GRM8: variants seen among roughly 807,000 people sequenced by gnomAD.
The protein encoded by GRM8 is glutamate metabotropic receptor 8.
In GRM8, 47 loss-of-function variants were observed where a neutral mutation model predicts 87.2. The ratio of observed to expected loss-of-function variants is 0.54; its 90% confidence interval spans 0.43 to 0.69. The LOEUF is 0.69. Among genes scored for constraint, GRM8 ranks in the 30% least tolerant of loss-of-function variants. GRM8 has a pLI of 0.00. For synonymous variants in GRM8, 396 were observed against 404.5 expected, an observed-to-expected ratio of 0.98 and a Z score of 0.25; for missense variants, 1,019 against 1,139.2, an observed-to-expected ratio of 0.89 and a Z score of 1.52.
At chr7:127,035,670 A>G (rs1396450606) in intron 3 of GRM8, among the ~76,000 whole-genome samples, 2 of 152,208 alleles carry the variant, frequency 1.3e-5, no homozygotes, top group African/African-American at 4.8e-5. Context: ...AAATCAGTCA[A>G]TGGTGTGGCA....
At chr7:126,463,483 T>C (rs1037702977) in intron 9 of GRM8, among the ~76,000 whole-genome samples, 2 of 151,588 alleles carry the variant, frequency 1.3e-5, no homozygotes, top group African/African-American at 4.8e-5. Context: ...TTGTGCACAT[T>C]AATACGATGT....
intron 6 of GRM8, among the ~76,000 whole-genome samples, chr7:126,898,910 C>T (rs980606937): frequency 5.9e-5 from 9 of 151,964 alleles, no homozygotes; most frequent in African/African-American, 2.2e-4. Flanking sequence ...GGTATTTGGC[C>T]TAATTCTCAC....
At chr7:126,808,309 C>T (rs1054051139) in intron 6 of GRM8, among the ~76,000 whole-genome samples, 2 of 151,962 alleles carry the variant, frequency 1.3e-5, no homozygotes, top group East Asian at 1.9e-4. Flanking sequence ...CATCACCTAC[C>T]GAAAAGGATA....
chr7:127,095,530 C>T (rs532521332), intron 3 of GRM8: 29 of 152,296 alleles, frequency 1.9e-4, no homozygotes, highest in Non-Finnish European at 4.0e-4. Flanking sequence ...ACATATTAAA[C>T]ATTTCTCATA....
At chr7:126,980,843 C>A (rs1230583290) in intron 3 of GRM8, 1 of 152,200 alleles carries the variant, frequency 6.6e-6, no homozygotes, top group Non-Finnish European at 1.5e-5. Context: ...TGTTTCCTTA[C>A]AATTGGTCAT....
chr7:126,500,928 C>T (rs1235725018), intron 9 of GRM8, among the ~76,000 whole-genome samples: 6 of 151,910 alleles, frequency 3.9e-5, no homozygotes, highest in Non-Finnish European at 5.9e-5. Context: ...GTTATGCTCT[C>T]CCTTAGTCTT....
chr7:126,607,699 TTTA>T (rs1360905198), intron 8 of GRM8, among the ~76,000 whole-genome samples: 1 of 151,964 alleles, frequency 6.6e-6, no homozygotes, highest in Non-Finnish European at 1.5e-5. Context: ...TTTATGTATT[TTTA>T]TTATTATTAT....
intron 9 of GRM8, among the ~76,000 whole-genome samples, chr7:126,498,367 T>G (rs2150680287): frequency 6.6e-6 from 1 of 152,110 alleles, no homozygotes; most frequent in African/African-American, 2.4e-5. Flanking sequence ...AAGAGAGGCA[T>G]AAGCTCTTTC....
chr7:126,923,048 C>A (rs1804706213), intron 3 of GRM8, among the ~76,000 whole-genome samples: 1 of 152,274 alleles, frequency 6.6e-6, no homozygotes, highest in South Asian at 2.1e-4. Flanking sequence ...CAAGAACAAA[C>A]TAATACAGAG....
chr7:126,905,067 C>T (rs1266606727), intron 3 of GRM8, among the ~76,000 whole-genome samples: 1 of 152,096 alleles, frequency 6.6e-6, no homozygotes, highest in African/African-American at 2.4e-5. Flanking sequence ...ATAGTTGAGA[C>T]CCTTATTAAG....
intron 6 of GRM8, among the ~76,000 whole-genome samples, chr7:126,885,931 C>T (rs982056821): frequency 6.6e-6 from 1 of 152,068 alleles, no homozygotes; most frequent in Non-Finnish European, 1.5e-5. Flanking sequence ...GCAGGGGCTG[C>T]ATTTTGATAT....
intron 3 of GRM8, among the ~76,000 whole-genome samples, chr7:126,908,507 C>T (rs940879614): frequency 2.0e-5 from 3 of 152,186 alleles, no homozygotes; most frequent in African/African-American, 7.2e-5. Context: ...ACTTAAGCAT[C>T]CCATTAAAGA....
At chr7:127,109,363 C>T (rs1305727351) in intron 2 of GRM8, among the ~76,000 whole-genome samples, 1 of 152,172 alleles carries the variant, frequency 6.6e-6, no homozygotes, top group African/African-American at 2.4e-5. Flanking sequence ...CCTCTGTTAA[C>T]TCCCATGGCC....
intron 6 of GRM8, among the ~76,000 whole-genome samples, chr7:126,797,958 G>A (rs916521324): frequency 6.6e-6 from 1 of 152,072 alleles, no homozygotes; most frequent in Non-Finnish European, 1.5e-5. Flanking sequence ...TTTGAAAAAT[G>A]ATTTGAGATT....
At chr7:126,604,042 C>A (rs1402482213) in intron 8 of GRM8, among the ~76,000 whole-genome samples, 1 of 151,578 alleles carries the variant, frequency 6.6e-6, no homozygotes, top group Non-Finnish European at 1.5e-5. Context: ...ATCCCTGAGA[C>A]AAATGGGGAG....
chr7:127,227,983 G>C (rs1015484336), intron 2 of GRM8, among the ~76,000 whole-genome samples: 5 of 152,324 alleles, frequency 3.3e-5, no homozygotes, highest in African/African-American at 1.2e-4. Context: ...GCATTAAAAG[G>C]CTTAATTTTC....
chr7:127,015,150 GGAA>G (rs1233711803), intron 3 of GRM8, among the ~76,000 whole-genome samples: 2 of 126,206 alleles, frequency 1.6e-5, no homozygotes, highest in Non-Finnish European at 1.6e-5. Flanking sequence ...GAAGGAAGAA[GGAA>G]GAAGGAGAAG....
chr7:126,637,273 A>G (rs1294393657), intron 7 of GRM8, among the ~76,000 whole-genome samples: 1 of 152,094 alleles, frequency 6.6e-6, no homozygotes, highest in Non-Finnish European at 1.5e-5. Flanking sequence ...TAAGCAAAAA[A>G]AGAAAATAAA....
chr7:126,782,480 TG>T (rs1820187506), intron 6 of GRM8, among the ~76,000 whole-genome samples: 1 of 152,162 alleles, frequency 6.6e-6, no homozygotes, highest in Non-Finnish European at 1.5e-5. Flanking sequence ...AATCACTGAA[TG>T]AGTTTGCCCA....
Sources: allele counts gnomAD v4.1 joint callset (sites outside exome capture counted in the v4.1 genomes callset), GRCh38; gene constraint gnomAD v4.1.1; transcripts MANE v1.5; gene names NCBI Gene and HGNC (gene_info 2026-07-23, HGNC 2026-07-21).